ADPRHL1: variants seen among roughly 807,000 people sequenced by gnomAD.
ADPRHL1 encodes the protein inactive ADP-ribosyltransferase ARH2.
A neutral mutation model predicts 44.1 loss-of-function variants in ADPRHL1; 43 were observed. That is an observed-to-expected ratio of 0.98 (90% confidence interval 0.76 to 1.26). The LOEUF is 1.26. ADPRHL1 is among the 50% of genes most tolerant of loss of function. ADPRHL1 has a pLI of 0.00. For synonymous variants in ADPRHL1, 878 were observed against 1,017.4 expected, an observed-to-expected ratio of 0.86 and a Z score of 2.61; for missense variants, 2,022 against 2,496.9, an observed-to-expected ratio of 0.81 and a Z score of 4.05.
In ADPRHL1 at chr13:113,408,052, C is replaced by G; in HGVS notation, c.1230G>C (p.Gly410=). The G allele has an allele frequency of 8.1e-7, 1 of 1,232,200 alleles. No homozygotes were observed. The highest frequency in any genetic ancestry group is 1.0e-6 in the Non-Finnish European group (1 of 988,148). 76.3% of individuals were successfully genotyped at this position (1,232,200 alleles called of 1,614,324 possible). A position where few individuals can be genotyped will look rare whatever the true frequency, so the allele number is the denominator to read the frequency against. ...TCTGGGGCTGGTGGCTGGGCCTGCTCCCCCCGGCCTCTGTCCCCGGGGGCC... is the reference window on the plus strand; with the variant it reads ...TCTGGGGCTGGTGGCTGGGCCTGCTGCCCCCGGCCTCTGTCCCCGGGGGCC... The part of the protein sequence containing the change: ...ADRPPGTEAG[G]SRPSHQPQTQ... The change falls in exon 8 of 8, where the codon GGG becomes GGC. Residue 410 remains glycine, a synonymous_variant. Transcript: ENST00000612156.
In ADPRHL1 at chr13:113,405,679, G is replaced by A. The variant is rs1042670970; in HGVS notation, c.3603C>T (p.His1201=). The A allele has an allele frequency of 1.2e-5, 15 of 1,232,460 alleles. No homozygotes were observed. Among genetic ancestry groups the A allele is most frequent in the Admixed American group, 4.2e-5 (1 of 23,710 alleles). 76.3% of individuals were successfully genotyped at this position (1,232,460 alleles called of 1,614,324 possible). A position where few individuals can be genotyped will look rare whatever the true frequency, so the allele number is the denominator to read the frequency against. The change falls in exon 8 of 8, where the codon CAC becomes CAT. Residue 1201 remains histidine (H), a synonymous_variant. Coordinates refer to ENST00000612156, the MANE Select transcript of ADPRHL1 (RefSeq NM_001394807.1). ...SLLRGVALVQ[H]PEDIATLARH... The stretch of plus-strand genomic sequence containing the variant: ...GGGCGAGGGTCGCAATGTCCTCTGG[G>A]TGCTGGACGAGGGCCACGCCTCTCA...
At chr13:113,410,067 A>G (rs1313398007) in intron 7 of ADPRHL1, 2 of 985,190 alleles carry the variant, frequency 2.0e-6, no homozygotes, top group African/African-American at 1.7e-5. Flanking sequence ...CTGATGGAGG[A>G]GGTGACAGCG....
At chr13:113,452,166 G>C (rs2044182905) in intron 1 of ADPRHL1, among the ~76,000 whole-genome samples, 1 of 152,234 alleles carries the variant, frequency 6.6e-6, no homozygotes, top group Non-Finnish European at 1.5e-5. Context: ...CGGGGCACAA[G>C]CATGGGGTTG....
At chr13:113,444,319 C>T in intron 2 of ADPRHL1, 106 bp downstream of exon 2, 1 of 1,464,336 alleles carries the variant, frequency 6.8e-7, no homozygotes, top group East Asian at 2.3e-5. Context: ...GATCCGGCCT[C>T]ACTGAAGCCA....
At chr13:113,416,627 CAT>C (rs1411922415) in intron 7 of ADPRHL1, among the ~76,000 whole-genome samples, 1 of 152,132 alleles carries the variant, frequency 6.6e-6, no homozygotes, top group Non-Finnish European at 1.5e-5. Context: ...GTGCTACAAA[CAT>C]ATAGATTATA....
Position 113,441,927 on chromosome 13 carries a change from G to C in ADPRHL1, c.379+2498C>G, listed in dbSNP as rs113376456. Among the ~76,000 whole-genome samples the C allele has an allele frequency of 0.017, 2,619 of 151,996 alleles. 52 individuals are homozygous for C. Among genetic ancestry groups the C allele is most frequent in the Non-Finnish European group, 0.024 (1,604 of 67,986 alleles). ...TCTCTATCACGCTTTACTCCACCGT[G>C]CTGGTCCGTGTCTCTGTCACGTTGT... On this transcript the variant is annotated intron_variant, in intron 2 of 7. Transcript: ENST00000612156. The surrounding 1 kb of genome is among the most constrained non-coding windows in gnomAD (Gnocchi z 6.0).
rs1175030368 is a variant in ADPRHL1, at chr13:113,451,546, G to A, written c.214+1678C>T. Among the ~76,000 whole-genome samples the A allele has an allele frequency of 3.3e-5, 5 of 152,274 alleles. No homozygotes were observed. The South Asian group carries it at 6.2e-4, about 19-fold the overall frequency. ...AGAATAGCGCCCCATGGTGGCTCAC[G>A]CCTGTCATCCCAGCACTTTGGGAAG... On this transcript the variant is annotated intron_variant, in intron 1 of 7. Transcript: ENST00000612156.
At chr13:113,447,075 C>T (rs1444488331) in intron 1 of ADPRHL1, among the ~76,000 whole-genome samples, 1 of 141,404 alleles carries the variant, frequency 7.1e-6, no homozygotes, top group African/African-American at 2.7e-5. Flanking sequence ...TGTCTACATG[C>T]ATGGTGTGTG....
At position 113,406,652 on chromosome 13, in the gene ADPRHL1, T is replaced by G; in HGVS notation, c.2630A>C (p.Asn877Thr). Residue 877 changes from asparagine to threonine, a missense_variant, in exon 8 of 8, where the codon AAT (asparagine) becomes ACT (threonine). Around this residue, in one of 8 missense-constraint regions of ADPRHL1, gnomAD observed 1,221 missense variants for 1,517.8 expected, o/e 0.80. Transcript: ENST00000612156. The stretch of plus-strand genomic sequence containing the variant: ...TTCTGTGTGGGCATTTTCAACCACA[T>G]TCTCTCCTCCACAAATACAAGGTTT... ...ENKPCICGGENVVENAHTEFP... is the reference protein window; with the variant it reads ...ENKPCICGGETVVENAHTEFP... The G allele has an allele frequency of 8.3e-7, 1 of 1,203,944 alleles. No individual in the cohort carries two copies. The allele number at this position is 1,203,944 out of a possible 1,614,324, so 74.6% of individuals were successfully genotyped here.
In ADPRHL1 at chr13:113,407,897, G is replaced by A. The variant is rs889435311; in HGVS notation, c.1385C>T (p.Pro462Leu). 19 of 1,231,938 alleles carry A rather than the reference G, an allele frequency of 1.5e-5. No individual in the cohort carries two copies. Among genetic ancestry groups the A allele is most frequent in the African/African-American group, 9.3e-5 (6 of 64,562 alleles). 76.3% of individuals were successfully genotyped at this position (1,231,938 alleles called of 1,614,324 possible). Residue 462 changes from proline (P) to leucine (L), a missense_variant, in exon 8 of 8, where the codon CCG (proline) becomes CTG (leucine). Physicochemically the swap from Pro to Leu is moderately conservative, Grantham distance 98 (BLOSUM62 -3). Transcript: ENST00000612156. Reference protein sequence around the residue: ...GRLISKDKQGPGGGLVGATIN... With the variant: ...GRLISKDKQGLGGGLVGATIN... ...GGTGGCACCCACGAGGCCCCCACCC[G>A]GCCCCTGCTTGTCCTTGGAGATCAG...
chr13:113,420,252 A>C (rs2043908575), intron 7 of ADPRHL1, among the ~76,000 whole-genome samples: 1 of 152,194 alleles, frequency 6.6e-6, no homozygotes, highest in Non-Finnish European at 1.5e-5. Flanking sequence ...AAAGTGAAGC[A>C]AGGCACTGCC....
intron 3 of ADPRHL1, among the ~76,000 whole-genome samples, chr13:113,431,546 C>T (rs958291135): frequency 2.6e-5 from 4 of 152,202 alleles, no homozygotes; most frequent in Admixed American, 1.3e-4. Flanking sequence ...TGGGAGCACG[C>T]GATGCAGGCT....
Position 113,408,232 on chromosome 13 carries a change from A to G in ADPRHL1, c.1062-12T>C. 8.1e-7 allele frequency: 1 copy of G among 1,231,978 alleles called. No individual in the cohort carries two copies. Among genetic ancestry groups the G allele is most frequent in the Non-Finnish European group, 1.0e-6 (1 of 987,970 alleles). 76.3% of individuals were successfully genotyped at this position (1,231,978 alleles called of 1,614,324 possible). ...TGCTGCTCTTCCGGCTGCAGAGAAAAAGGAATCATCACCTACTTCATCATC... is the reference window on the plus strand; with the variant it reads ...TGCTGCTCTTCCGGCTGCAGAGAAAGAGGAATCATCACCTACTTCATCATC... On this transcript the variant is annotated splice_polypyrimidine_tract_variant and intron_variant, in intron 7 of 7. Transcript: ENST00000612156.
rs888234004 is a variant in ADPRHL1 at position 113,403,965 on chromosome 13, G to A, written c.5317C>T (p.Arg1773Trp). 1.2e-5 allele frequency: 16 copies of A among 1,308,318 alleles called. No individual in the cohort carries two copies. Among genetic ancestry groups the A allele is most frequent in the Admixed American group, 7.9e-5 (2 of 25,182 alleles). The allele number at this position is 1,308,318 out of a possible 1,614,324, so 81.0% of individuals were successfully genotyped here. Residue 1773 changes from arginine (R) to tryptophan (W), a missense_variant, in exon 8 of 8, where the codon CGG becomes TGG. Physicochemically the swap from Arg to Trp is moderately radical, Grantham distance 101. Transcript: ENST00000612156. ...QAQKGAQEWA[R>W]DRARDQGWEQ... ...CAGCCCTGATCCCGAGCCCGATCCC[G>A]AGCCCATTCCTGAGCCCCTTTCTGG...
chr13:113,423,067 C>A, intron 6 of ADPRHL1, 88 bp from the exon 7 acceptor site: 1 of 1,560,286 alleles, frequency 6.4e-7, no homozygotes, highest in Non-Finnish European at 8.7e-7. Context: ...TAAGGTGGGC[C>A]AAACCCCAAT....
chr13:113,432,635 GCA>G (rs1566476342), intron 3 of ADPRHL1, among the ~76,000 whole-genome samples: 5 of 61,052 alleles, frequency 8.2e-5, no homozygotes, highest in African/African-American at 5.7e-5. Flanking sequence ...GTAAAGGCAC[GCA>G]CCTGCTTTGC....
In ADPRHL1 at chr13:113,403,479, C is replaced by A; in HGVS notation, c.5803G>T (p.Ala1935Ser). The A allele has an allele frequency of 8.1e-7, 1 of 1,232,134 alleles. No individual in the cohort carries two copies. The highest frequency in any genetic ancestry group is 1.0e-6 in the Non-Finnish European group (1 of 988,032). The allele number at this position is 1,232,134 out of a possible 1,614,324, so 76.3% of individuals were successfully genotyped here. The change falls in exon 8 of 8, where the codon GCC (alanine) becomes TCC (serine). Residue 1935 changes from alanine (A) to serine (S), a missense_variant. By Grantham distance (99) the Ala-to-Ser change is moderately conservative. This residue lies in a region of ADPRHL1 where 205 missense variants were observed against 250.1 expected (regional missense o/e 0.82). Coordinates refer to ENST00000612156, the MANE Select transcript of ADPRHL1 (RefSeq NM_001394807.1). ...PERRGRSRHL[A>S]KYKAQSFRDQ... ...CGGAAGCTCTGGGCTTTGTACTTGG[C>A]CAGGTGCCTGGACCTCCCGCGACGC...
chr13:113,405,556 T>C lies in ADPRHL1; in HGVS notation c.3726A>G (p.Val1242=). The part of the protein sequence containing the change: ...TSAASRHTAA[V]GGRKDVAVEG... ...CCACAGCCACATCCTTTCTGCCTCC[T>C]ACAGCTGCTGTATGTCTGCTGGCTG... Residue 1242 remains valine (V), a synonymous_variant, in exon 8 of 8, where the codon GTA becomes GTG. Coordinates refer to ENST00000612156, the MANE Select transcript of ADPRHL1 (RefSeq NM_001394807.1). The C allele has an allele frequency of 8.1e-7, 1 of 1,232,276 alleles. No homozygotes were observed. The highest frequency in any genetic ancestry group is 1.5e-5 in the African/African-American group (1 of 64,570). The allele number at this position is 1,232,276 out of a possible 1,614,324, so 76.3% of individuals were successfully genotyped here.
rs539532668 is a variant in ADPRHL1 at position 113,407,188 on chromosome 13, G to A, written c.2094C>T (p.Asp698=). Residue 698 remains aspartate, a synonymous_variant, in exon 8 of 8, where the codon GAC becomes GAT. Transcript: ENST00000612156. ...AGGCCAGCGAGGGGACAGCGTGGCC[G>A]TCCCTCTGAGCCATCACCTGGGGTG... ...PVTPQVMAQR[D]GHAVPSLAFS... The A allele has an allele frequency of 9.6e-4, 1,188 of 1,232,086 alleles. 1 individual carries two copies. Among genetic ancestry groups the A allele is most frequent in the Non-Finnish European group, 1.1e-3 (1,114 of 988,054 alleles). The allele number at this position is 1,232,086 out of a possible 1,614,324, so 76.3% of individuals were successfully genotyped here.
Sources: gnomAD v4.1 joint callset for allele counts (sites outside exome capture counted in the v4.1 genomes callset) on GRCh38, gnomAD v4.1.1 for gene constraint, gnomAD v4.1.1 regional missense constraint, Gnocchi (gnomAD v3.1) non-coding constraint, MANE v1.5 for transcripts, NCBI Gene and HGNC (gene_info 2026-07-23, HGNC 2026-07-21) for gene names.